Variants in SLC39A11 observed in about 807,000 individuals in gnomAD.
The protein encoded by SLC39A11 is solute carrier family 39 member 11.
In SLC39A11, 33 loss-of-function variants were observed where a neutral mutation model predicts 36.1. The observed-to-expected ratio is 0.91, with a 90% CI of 0.69 to 1.22. The LOEUF (loss-of-function observed/expected upper bound fraction) is 1.22, where lower values mean the gene tolerates loss of function less well. SLC39A11 is among the 50% of genes most tolerant of loss of function. SLC39A11 has a pLI of 0.00. For missense variants in SLC39A11, 432 were observed against 430.3 expected, an observed-to-expected ratio of 1.00 and a Z score of -0.03; for synonymous variants, 166 against 170.3, an observed-to-expected ratio of 0.97 and a Z score of 0.20.
chr17:72,994,842 C>T (rs2089407673), intron 4 of SLC39A11, among the ~76,000 whole-genome samples: 1 of 152,158 alleles, frequency 6.6e-6, no homozygotes, highest in South Asian at 2.1e-4. Context: ...TTAGCTTCTC[C>T]ATGCTTTGAA....
intron 6 of SLC39A11, among the ~76,000 whole-genome samples, chr17:72,837,116 C>T (rs1288146414): frequency 6.6e-6 from 1 of 152,140 alleles, no homozygotes; most frequent in African/African-American, 2.4e-5. Context: ...CAAGGGCAAG[C>T]TGAAGGTCCA....
intron 6 of SLC39A11, among the ~76,000 whole-genome samples, chr17:72,804,844 A>T (rs1021996376): frequency 1.3e-5 from 2 of 152,074 alleles, no homozygotes; most frequent in Admixed American, 6.5e-5. Flanking sequence ...ACATGGTGAA[A>T]CCCCGTCTCT....
Position 72,985,284 on chromosome 17 carries a change from C to T in SLC39A11, c.307-37409G>A, listed in dbSNP as rs769837061. ...GAAGGAGGAACATGTCACAGAGTCG[C>T]TCTCTGAATTTTTGCCCACAACTTT... On this transcript the variant is annotated intron_variant, in intron 4 of 9. Coordinates refer to ENST00000255559, the MANE Select transcript of SLC39A11 (RefSeq NM_139177.4). 4.6e-4 allele frequency among the ~76,000 whole-genome samples: 70 copies of T among 152,134 alleles called. 1 individual carries two copies. The highest frequency in any genetic ancestry group is 1.6e-4 in the Non-Finnish European group (11 of 68,028).
intron 5 of SLC39A11, among the ~76,000 whole-genome samples, chr17:72,932,553 G>A (rs927509237): frequency 4.0e-5 from 6 of 149,842 alleles, no homozygotes; most frequent in African/African-American, 7.4e-5. Flanking sequence ...GAGAGTGTTC[G>A]GACCCAAATG....
chr17:73,078,927 G>A (rs1329916775), intron 3 of SLC39A11, among the ~76,000 whole-genome samples: 1 of 142,440 alleles, frequency 7.0e-6, no homozygotes, highest in Non-Finnish European at 1.6e-5. Flanking sequence ...ACTTTTGTTT[G>A]CATGTTACAT....
At chr17:72,813,066 G>C (rs2077480601) in intron 6 of SLC39A11, among the ~76,000 whole-genome samples, 1 of 152,202 alleles carries the variant, frequency 6.6e-6, no homozygotes, top group South Asian at 2.1e-4. Flanking sequence ...GAGTCATTCT[G>C]ACGTCAGCTC....
chr17:72,932,948 A>AT (rs1217926412), intron 5 of SLC39A11, among the ~76,000 whole-genome samples: 1 of 152,212 alleles, frequency 6.6e-6, no homozygotes, highest in Non-Finnish European at 1.5e-5. Context: ...TCAAATATGC[A>AT]TACCGTTCAT....
chr17:72,838,086 C>T, intron 6 of SLC39A11: 2 of 717,280 alleles, frequency 2.8e-6, no homozygotes, highest in Non-Finnish European at 3.9e-6. Context: ...CAGTTCGAGG[C>T]CACCCTGGCC....
rs202215939 is a variant in SLC39A11, at chr17:73,084,766, A to C, written c.147+42T>G. 5.3e-5 allele frequency: 85 copies of C among 1,607,102 alleles called. No homozygotes were observed. In the East Asian group the frequency reaches 1.7e-3, roughly 33 times the overall value. On this transcript the variant is annotated intron_variant, in intron 3 of 9. Coordinates refer to ENST00000255559, the MANE Select transcript of SLC39A11 (RefSeq NM_139177.4). ...CCCTTGGCAGACACATGTCAGAATCAGTATGCCTCAATTTCCATTTCTCCT... is the reference window on the plus strand; with the variant it reads ...CCCTTGGCAGACACATGTCAGAATCCGTATGCCTCAATTTCCATTTCTCCT...
intron 3 of SLC39A11, among the ~76,000 whole-genome samples, chr17:73,041,595 A>T (rs964055885): frequency 1.3e-5 from 2 of 152,250 alleles, no homozygotes; most frequent in African/African-American, 4.8e-5. Context: ...GTGATAGTTT[A>T]TGTGCTGGAA....
In SLC39A11 at chr17:73,024,329, T is replaced by C. The variant is rs57161955; in HGVS notation, c.306+7227A>G. ...GCCCATCTGGAGCCTCAACAGAGTA[T>C]AAGAAAGCACAATCCTAAAAATGGG... On this transcript the variant is annotated intron_variant, in intron 4 of 9. Coordinates refer to ENST00000255559, the MANE Select transcript of SLC39A11 (RefSeq NM_139177.4). 2.7e-3 allele frequency among the ~76,000 whole-genome samples: 415 copies of C among 152,298 alleles called. 1 individual carries two copies. Among genetic ancestry groups the C allele is most frequent in the East Asian group, 0.017 (89 of 5,184 alleles).
chr17:72,668,798 A>G (rs1426459636), intron 7 of SLC39A11, among the ~76,000 whole-genome samples: 1 of 152,218 alleles, frequency 6.6e-6, no homozygotes, highest in Non-Finnish European at 1.5e-5. Flanking sequence ...ATCTGTGGAA[A>G]TAGGAGTTTA....
intron 3 of SLC39A11, among the ~76,000 whole-genome samples, chr17:73,046,039 C>T (rs1250661456): frequency 6.6e-6 from 1 of 152,166 alleles, no homozygotes; most frequent in African/African-American, 2.4e-5. Context: ...AAAGCAGCCC[C>T]TCCTATGTTT....
At chr17:72,649,421 G>A (rs1013032925) in intron 7 of SLC39A11, among the ~76,000 whole-genome samples, 153 bp from the exon 8 acceptor site, 7 of 152,228 alleles carry the variant, frequency 4.6e-5, no homozygotes, top group South Asian at 2.1e-4. Context: ...AGGTCAGGAC[G>A]TGTGTCTAGG....
intron 5 of SLC39A11, among the ~76,000 whole-genome samples, chr17:72,947,167 A>C (rs1321777413): frequency 2.0e-5 from 3 of 152,166 alleles, no homozygotes; most frequent in African/African-American, 7.2e-5. Context: ...CTAAAAGTAC[A>C]AAAAATTAGC....
chr17:72,773,646 C>G (rs749313246), intron 6 of SLC39A11, among the ~76,000 whole-genome samples: 5 of 139,522 alleles, frequency 3.6e-5, no homozygotes, highest in Non-Finnish European at 7.9e-5. Context: ...GACCATCTTA[C>G]ACACACACAC....
chr17:73,013,078 C>A (rs747682688), intron 4 of SLC39A11, among the ~76,000 whole-genome samples: 3 of 151,796 alleles, frequency 2.0e-5, no homozygotes, highest in African/African-American at 4.8e-5. Flanking sequence ...GGATTACAGG[C>A]GTGAACCACT....
chr17:72,742,241 G>A (rs1441780745), intron 6 of SLC39A11, among the ~76,000 whole-genome samples: 1 of 152,138 alleles, frequency 6.6e-6, no homozygotes, highest in Non-Finnish European at 1.5e-5. Flanking sequence ...GCTGACACTG[G>A]TGAGAGCTGA....
intron 5 of SLC39A11, among the ~76,000 whole-genome samples, chr17:72,893,537 A>G (rs2081872196): frequency 6.6e-6 from 1 of 152,184 alleles, no homozygotes; most frequent in Non-Finnish European, 1.5e-5. Flanking sequence ...TCTATATTGT[A>G]CAATTTGTTC....
Sources: allele counts gnomAD v4.1 joint callset (sites outside exome capture counted in the v4.1 genomes callset), GRCh38; gene constraint gnomAD v4.1.1; transcripts MANE v1.5; gene names NCBI Gene and HGNC (gene_info 2026-07-23, HGNC 2026-07-21).